DCHS1: variants seen among roughly 807,000 people sequenced by gnomAD.
The protein encoded by DCHS1 is dachsous cadherin-related 1.
DCHS1 carries 78 observed loss-of-function variants against 213.9 expected under a neutral mutation model. The ratio of observed to expected loss-of-function variants is 0.36; its 90% confidence interval spans 0.30 to 0.44. The LOEUF is 0.44. Ranked by LOEUF, DCHS1 falls within the 20% of genes least tolerant of loss-of-function variation. The pLI is 1.00. For missense variants in DCHS1, 3,946 were observed against 4,395.9 expected, an observed-to-expected ratio of 0.90 and a Z score of 2.89; for synonymous variants, 1,828 against 1,873.7, an observed-to-expected ratio of 0.98 and a Z score of 0.63.
chr11:6,624,101 G>A lies in DCHS1; in HGVS notation c.7575C>T (p.Gly2525=). ...HAAVDYSIIS[G]NWGRVFQLEP... ...CCAGCTGGAAGACTCGGCCCCAGTT[G>A]CCACTGATGATGCTGTAGTCCACAG... is the stretch of plus-strand genomic sequence containing the variant. The change falls in exon 21 of 21, where the codon GGC becomes GGT. Residue 2525 remains glycine, a synonymous_variant. Transcript: ENST00000299441. 5.0e-6 allele frequency: 8 copies of A among 1,612,032 alleles called. No individual in the cohort carries two copies. The highest frequency in any genetic ancestry group is 6.8e-6 in the Non-Finnish European group (8 of 1,179,182).
At position 6,626,306 on chromosome 11, in the gene DCHS1, C is replaced by T. The variant is rs1244736888; in HGVS notation, c.6439G>A (p.Glu2147Lys). ...SPRLRLVLQA[E>K]SGGAFAFTVL... ...GTGAAGGCAAAGGCTCCTCCACTCT[C>T]TGCCTGCAGCACCAGTCGCAGCCGT... Residue 2147 changes from glutamate to lysine, a missense_variant, in exon 16 of 21, where the codon GAG becomes AAG. By Grantham distance (56) the Glu-to-Lys change is moderately conservative (BLOSUM62 1). Around this residue, in one of 3 missense-constraint regions of DCHS1, gnomAD observed 3,384 missense variants for 3,780.1 expected, o/e 0.90. Coordinates refer to ENST00000299441, the MANE Select transcript of DCHS1 (RefSeq NM_003737.4). The surrounding 1 kb of genome is among the most constrained non-coding windows in gnomAD (Gnocchi z 5.2). 3.1e-6 allele frequency: 5 copies of T among 1,613,420 alleles called. No homozygotes were observed. Among genetic ancestry groups the T allele is most frequent in the African/African-American group, 1.3e-5 (1 of 74,936 alleles).
chr11:6,641,353 G>A lies in DCHS1; in HGVS notation c.261C>T (p.Gly87=), dbSNP rs771079226. The A allele has an allele frequency of 2.5e-6, 4 of 1,613,526 alleles. No individual in the cohort carries two copies. The highest frequency in any genetic ancestry group is 3.4e-6 in the Non-Finnish European group (4 of 1,179,878). The change falls in exon 2 of 21, where the codon GGC becomes GGT. Residue 87 remains glycine (G), a synonymous_variant. Transcript: ENST00000299441. The surrounding 1 kb of genome is among the most constrained non-coding windows in gnomAD (Gnocchi z 7.1). ...CGTCAATGGCCAGGTCTGTGCCCAC[G>A]CCGCTGCCCTCTTGGGCAGAGATGA... ...MYFISAQEGS[G]VGTDLAIDEH...
At position 6,622,838 on chromosome 11, in the gene DCHS1, T is replaced by C; in HGVS notation, c.8838A>G (p.Gly2946=). 1 of 1,595,410 alleles carries C rather than the reference T, an allele frequency of 6.3e-7. No homozygotes were observed. The highest frequency in any genetic ancestry group is 1.1e-5 in the South Asian group (1 of 87,962). The change falls in exon 21 of 21, where the codon GGA becomes GGG. Residue 2946 remains glycine, a synonymous_variant. Transcript: ENST00000299441. This position sits in a 1 kb window ranked among gnomAD's most constrained non-coding sequence, Gnocchi z 5.4. The part of the protein sequence containing the change: ...LLVGAVAASL[G]VVVVLALAAL... The stretch of plus-strand genomic sequence containing the variant: ...CTGCCAGTGCAAGCACCACCACAAC[T>C]CCCAAGGAGGCTGCCACGGCCCCTA...
Position 6,634,209 on chromosome 11 carries a change from T to C in DCHS1, c.1895A>G (p.Asp632Gly). Residue 632 changes from aspartate to glycine, a missense_variant, in exon 3 of 21, where the codon GAT becomes GGT. This residue lies in a region of DCHS1 where 3,384 missense variants were observed against 3,780.1 expected (regional missense o/e 0.90). Transcript: ENST00000299441. ...TGTGCACACATCACCGCTGTGGGCA[T>C]CAATGCGGAATGGGGGAGATCCGGA... is the stretch of plus-strand genomic sequence containing the variant. ...GSSGSPPFRI[D>G]AHSGDVCTTR... is the part of the protein sequence containing the mutation. The C allele has an allele frequency of 6.2e-7, 1 of 1,613,882 alleles. No homozygotes were observed. Among genetic ancestry groups the C allele is most frequent in the Non-Finnish European group, 8.5e-7 (1 of 1,179,844 alleles).
Position 6,622,794 on chromosome 11 carries a change from A to T in DCHS1, c.8882T>A (p.Val2961Asp). Residue 2961 changes from valine (V) to aspartate (D), a missense_variant, in exon 21 of 21, where the codon GTT becomes GAT. By Grantham distance (152) the Val-to-Asp change is radical. This residue lies in a region of DCHS1 where 554 missense variants were observed against 590.2 expected (regional missense o/e 0.94). Coordinates refer to ENST00000299441, the MANE Select transcript of DCHS1 (RefSeq NM_003737.4). The surrounding 1 kb of genome is among the most constrained non-coding windows in gnomAD (Gnocchi z 5.4). ...CTCAGCCTTGCGGCTACGGGCCCGAACAAGTCCTAGGACCAGGGCTGCCAG... is the reference window on the plus strand; with the variant it reads ...CTCAGCCTTGCGGCTACGGGCCCGATCAAGTCCTAGGACCAGGGCTGCCAG... Reference protein sequence around the residue: ...LALAALVLGLVRARSRKAEAA... With the variant: ...LALAALVLGLDRARSRKAEAA... 1 of 1,593,936 alleles carries T rather than the reference A, an allele frequency of 6.3e-7. No individual in the cohort carries two copies. Among genetic ancestry groups the T allele is most frequent in the Middle Eastern group, 1.7e-4 (1 of 6,030 alleles).
Position 6,631,402 on chromosome 11 carries a change from T to A in DCHS1, c.3681A>T (p.Pro1227=). The A allele has an allele frequency of 6.2e-7, 1 of 1,613,998 alleles. No homozygotes were observed. The highest frequency in any genetic ancestry group is 8.5e-7 in the Non-Finnish European group (1 of 1,179,874). Residue 1227 remains proline (P), a synonymous_variant, in exon 8 of 21, where the codon CCA becomes CCT. Transcript: ENST00000299441. The part of the protein sequence containing the change: ...AAGGGLPIQV[P]DRVPPGTLVT... ...CCAGTGTTCCCGGAGGCACGCGGTC[T>A]GGTACCTGTGGGAACACAACTCACC... is the stretch of plus-strand genomic sequence containing the variant.
rs1855763483 is a variant in DCHS1, at chr11:6,624,606, G to A, written c.7285+124C>T. On this transcript the variant is annotated intron_variant, in intron 20 of 20. Transcript: ENST00000299441. ...GGGCTTATAATGAAGACAGAGGGGA[G>A]GAAATGTCCTCCCTAGGCCAGAGAT... 45 of 1,461,740 alleles carry A rather than the reference G, an allele frequency of 3.1e-5. No homozygotes were observed. In the South Asian group the frequency reaches 5.8e-4, roughly 19 times the overall value. 90.5% of individuals were successfully genotyped at this position (1,461,740 alleles called of 1,614,324 possible).
chr11:6,637,874 G>A (rs1856008405), intron 2 of DCHS1, among the ~76,000 whole-genome samples: 1 of 152,036 alleles, frequency 6.6e-6, no homozygotes, highest in Admixed American at 6.6e-5. Flanking sequence ...ACTAGCACAT[G>A]GTAGACATTC....
At chr11:6,629,369 G>A in intron 12 of DCHS1, 83 bp downstream of exon 12, 1 of 1,528,268 alleles carries the variant, frequency 6.5e-7, no homozygotes, top group Non-Finnish European at 8.8e-7. Context: ...ACTTCTAAAA[G>A]GTAGTACTTT....
rs773177118 is a variant in DCHS1, at chr11:6,640,323, C to A, written c.1291G>T (p.Asp431Tyr). 6.2e-7 allele frequency: 1 copy of A among 1,608,884 alleles called. No individual in the cohort carries two copies. Among genetic ancestry groups the A allele is most frequent in the Admixed American group, 1.7e-5 (1 of 58,898 alleles). Residue 431 changes from aspartate to tyrosine, a missense_variant, in exon 2 of 21, where the codon GAT becomes TAT. Coordinates refer to ENST00000299441, the MANE Select transcript of DCHS1 (RefSeq NM_003737.4). The surrounding 1 kb of genome is among the most constrained non-coding windows in gnomAD (Gnocchi z 6.5). ...TTATAGGCATCCCTCTCCTCTCGAT[C>A]CAGCCGCCGAGCCACACACACCAGA... The part of the protein sequence containing the change: ...IYLVCVARRL[D>Y]REERDAYNLR...
At chr11:6,648,055 T>C (rs913612961) in intron 1 of DCHS1, among the ~76,000 whole-genome samples, 1 of 152,188 alleles carries the variant, frequency 6.6e-6, no homozygotes, top group Non-Finnish European at 1.5e-5. Flanking sequence ...GTGGTTCCAT[T>C]TGGACACTGC....
intron 2 of DCHS1, among the ~76,000 whole-genome samples, chr11:6,637,675 C>G (rs555317935): frequency 2.3e-4 from 35 of 152,102 alleles, no homozygotes; most frequent in African/African-American, 8.2e-4. Flanking sequence ...TTCTTTAAGT[C>G]TCAACTCAGG....
chr11:6,641,615 A>T lies in DCHS1; in HGVS notation c.-2T>A. 1.7e-5 allele frequency: 26 copies of T among 1,542,268 alleles called. No individual in the cohort carries two copies. The highest frequency in any genetic ancestry group is 2.2e-5 in the Non-Finnish European group (25 of 1,141,504). On this transcript the variant is annotated 5_prime_UTR_variant, in exon 2 of 21. Coordinates refer to ENST00000299441, the MANE Select transcript of DCHS1 (RefSeq NM_003737.4). This position sits in a 1 kb window ranked among gnomAD's most constrained non-coding sequence, Gnocchi z 7.1. ...CACAATGCCCAGCTCCTTCTGCATG[A>T]CAAGGGTAGTCCAGCTGTGCCTTGG...
intron 1 of DCHS1, among the ~76,000 whole-genome samples, chr11:6,653,293 A>G (rs1003619990): frequency 2.0e-5 from 3 of 152,078 alleles, no homozygotes; most frequent in Admixed American, 2.0e-4. Context: ...CACTCCATCA[A>G]GTTTAAGTTT....
chr11:6,628,640 C>T lies in DCHS1; in HGVS notation c.5352G>A (p.Gln1784=). ...ASDPDVGANG[Q]LQYRILDGDP... ...TCTCACCTAGGATGCGGTACTGCAA[C>T]TGCCCATTGGCTCCCACATCTGGAT... The change falls in exon 13 of 21, where the codon CAG becomes CAA. Residue 1784 remains glutamine (Q), a synonymous_variant. Coordinates refer to ENST00000299441, the MANE Select transcript of DCHS1 (RefSeq NM_003737.4). This position sits in a 1 kb window ranked among gnomAD's most constrained non-coding sequence, Gnocchi z 4.3. The T allele has an allele frequency of 1.2e-6, 2 of 1,614,044 alleles. No homozygotes were observed. Among genetic ancestry groups the T allele is most frequent in the Non-Finnish European group, 1.7e-6 (2 of 1,179,908 alleles).
intron 1 of DCHS1, among the ~76,000 whole-genome samples, chr11:6,646,085 G>A (rs1422325384): frequency 1.3e-5 from 2 of 151,610 alleles, no homozygotes; most frequent in South Asian, 4.2e-4. Context: ...CTCACACCAA[G>A]AGGCATGTTC....
In DCHS1 at chr11:6,640,837, G is replaced by A. The variant is rs1440224620; in HGVS notation, c.777C>T (p.Arg259=). ...GGCTCTCAGACACCACAGCATGGTA[G>A]CGGCTCTGATTGAAAGCCGGGGCAT... is the stretch of plus-strand genomic sequence containing the variant. ...NDHAPAFNQS[R]YHAVVSESLA... The change falls in exon 2 of 21, where the codon CGC becomes CGT. Residue 259 remains arginine, a synonymous_variant. Transcript: ENST00000299441. The surrounding 1 kb of genome is among the most constrained non-coding windows in gnomAD (Gnocchi z 6.5). 6.2e-7 allele frequency: 1 copy of A among 1,614,072 alleles called. No individual in the cohort carries two copies. The highest frequency in any genetic ancestry group is 1.1e-5 in the South Asian group (1 of 91,086).
rs868839086 is a variant in DCHS1, at chr11:6,624,094, C to T, written c.7582G>A (p.Gly2528Ser). ...VDYSIISGNW[G>S]RVFQLEPRLA... Reference sequence around the variant, plus strand: ...CTGGGTTCCAGCTGGAAGACTCGGCCCCAGTTGCCACTGATGATGCTGTAG... The same window carrying T: ...CTGGGTTCCAGCTGGAAGACTCGGCTCCAGTTGCCACTGATGATGCTGTAG... Residue 2528 changes from glycine (G) to serine (S), a missense_variant, in exon 21 of 21, where the codon GGC (glycine) becomes AGC (serine). Gly to Ser is a moderately conservative substitution (Grantham distance 56). Around this residue, in one of 3 missense-constraint regions of DCHS1, gnomAD observed 3,384 missense variants for 3,780.1 expected, o/e 0.90. Coordinates refer to ENST00000299441, the MANE Select transcript of DCHS1 (RefSeq NM_003737.4). The T allele has an allele frequency of 6.2e-7, 1 of 1,612,240 alleles. No individual in the cohort carries two copies. Among genetic ancestry groups the T allele is most frequent in the Non-Finnish European group, 8.5e-7 (1 of 1,179,298 alleles).
intron 1 of DCHS1, among the ~76,000 whole-genome samples, chr11:6,649,729 G>C (rs1162127032): frequency 6.6e-6 from 1 of 152,068 alleles, no homozygotes; most frequent in Non-Finnish European, 1.5e-5. Context: ...GCTGGGGCAC[G>C]GGGTAGTGAC....
Sources: allele counts gnomAD v4.1 joint callset (sites outside exome capture counted in the v4.1 genomes callset), GRCh38; gene constraint gnomAD v4.1.1; regional missense constraint gnomAD v4.1.1; non-coding constraint Gnocchi (gnomAD v3.1); transcripts MANE v1.5; gene names NCBI Gene and HGNC (gene_info 2026-07-23, HGNC 2026-07-21).